Variants in ADAMTS18 observed in about 807,000 individuals in gnomAD.
ADAMTS18 encodes the protein ADAM metallopeptidase with thrombospondin type 1 motif 18, also known as A disintegrin and metalloproteinase with thrombospondin motifs 18.
Under a neutral mutation model 165.9 loss-of-function variants are expected in ADAMTS18, and 157 were observed. That is an observed-to-expected ratio of 0.95 (90% CI 0.83 to 1.08). ADAMTS18 has a LOEUF of 1.08. Among genes scored for constraint, ADAMTS18 ranks in the 50% least tolerant of loss-of-function variants. The probability of loss-of-function intolerance (pLI) is 0.00; values close to 1 mark genes in which losing one functional copy is unlikely to be tolerated. For missense variants in ADAMTS18, 2,040 were observed against 1,534.0 expected (o/e 1.33, Z -5.51); for synonymous variants, 782 against 578.2 (o/e 1.35, Z -5.06).
At chr16:77,414,024 A>C (rs1471171895) in intron 3 of ADAMTS18, among the ~76,000 whole-genome samples, 1 of 152,222 alleles carries the variant, frequency 6.6e-6, no homozygotes, top group Non-Finnish European at 1.5e-5. Flanking sequence ...TGACATAGAA[A>C]TTTCTGCATA....
chr16:77,286,299 CTCACCCCT>C (rs1211886499), intron 22 of ADAMTS18, among the ~76,000 whole-genome samples: 3 of 152,038 alleles, frequency 2.0e-5, no homozygotes, highest in Admixed American at 6.6e-5. Flanking sequence ...TTCCTATTTC[CTCACCCCT>C]TCACCCCTGC....
chr16:77,341,031 G>C (rs1456337371), intron 11 of ADAMTS18, among the ~76,000 whole-genome samples: 1 of 152,090 alleles, frequency 6.6e-6, no homozygotes, highest in Non-Finnish European at 1.5e-5. Flanking sequence ...CCCAAATCTG[G>C]ATCATTTACT....
chr16:77,308,212 T>C (rs1458405200), intron 16 of ADAMTS18, among the ~76,000 whole-genome samples: 2 of 152,298 alleles, frequency 1.3e-5, no homozygotes, highest in East Asian at 3.9e-4. Context: ...TTTAAAACTT[T>C]TTAAAAAAGG....
At chr16:77,397,735 G>A (rs1567539803) in intron 3 of ADAMTS18, among the ~76,000 whole-genome samples, 2 of 152,354 alleles carry the variant, frequency 1.3e-5, no homozygotes, top group Non-Finnish European at 2.9e-5. Flanking sequence ...TGAGTAAGTT[G>A]CCCACATTAA....
In ADAMTS18 at chr16:77,338,111, C is replaced by T. The variant is rs1017593829; in HGVS notation, c.1711-2207G>A. Among the ~76,000 whole-genome samples the T allele has an allele frequency of 3.3e-5, 5 of 152,192 alleles. No individual in the cohort carries two copies. In the East Asian group the frequency reaches 9.7e-4, roughly 29 times the overall value. ...CAGAGACAGGGTTTCACCACGTTGG[C>T]CAGGCTGGTCTTGAACTCCTGACAT... On this transcript the variant is annotated intron_variant, in intron 11 of 22. Coordinates refer to ENST00000282849, the MANE Select transcript of ADAMTS18 (RefSeq NM_199355.4).
chr16:77,322,491 G>A (rs926425204), intron 13 of ADAMTS18, 25 bp from the exon 14 acceptor site: 25 of 1,613,114 alleles, frequency 1.5e-5, no homozygotes, highest in Non-Finnish European at 2.1e-5. Flanking sequence ...ATCAAGATAG[G>A]AAATGGTCAA....
chr16:77,310,237 T>A (rs1203949010), intron 16 of ADAMTS18, among the ~76,000 whole-genome samples: 1 of 152,252 alleles, frequency 6.6e-6, no homozygotes. Flanking sequence ...TGTTGTTCAC[T>A]CCATACATTT....
intron 10 of ADAMTS18, among the ~76,000 whole-genome samples, chr16:77,344,155 G>A (rs865869790): frequency 2.8e-4 from 39 of 140,258 alleles, no homozygotes; most frequent in African/African-American, 7.2e-4. Context: ...ATGTGTGTGT[G>A]TATATATATA....
intron 18 of ADAMTS18, 32 bp downstream of exon 18, chr16:77,297,257 A>G: frequency 6.2e-7 from 1 of 1,613,890 alleles, no homozygotes; most frequent in Non-Finnish European, 8.5e-7. Context: ...CAAGTACAAA[A>G]CTAAACAAAA....
At chr16:77,313,381 C>CAT (rs2055820279) in intron 16 of ADAMTS18, among the ~76,000 whole-genome samples, 2 of 151,452 alleles carry the variant, frequency 1.3e-5, no homozygotes, top group Non-Finnish European at 2.9e-5. Context: ...CAACATGGCA[C>CAT]ATGTATACAT....
At chr16:77,343,308 A>C (rs1466184755) in intron 10 of ADAMTS18, among the ~76,000 whole-genome samples, 4 of 152,154 alleles carry the variant, frequency 2.6e-5, no homozygotes, top group Non-Finnish European at 5.9e-5. Flanking sequence ...TCCCAACCTC[A>C]GGTGATCTGC....
chr16:77,397,089 G>A (rs1004011605), intron 3 of ADAMTS18, among the ~76,000 whole-genome samples: 2 of 152,142 alleles, frequency 1.3e-5, no homozygotes, highest in Admixed American at 6.5e-5. Context: ...AATTTTAGGC[G>A]TGAGCCACCA....
chr16:77,311,265 A>T (rs1303916213), intron 16 of ADAMTS18, among the ~76,000 whole-genome samples: 1 of 152,182 alleles, frequency 6.6e-6, no homozygotes, highest in Non-Finnish European at 1.5e-5. Flanking sequence ...CTTTCTGTGG[A>T]TGGAACAGCA....
intron 3 of ADAMTS18, among the ~76,000 whole-genome samples, chr16:77,388,340 T>C (rs1312816738): frequency 6.6e-6 from 1 of 152,154 alleles, no homozygotes; most frequent in Non-Finnish European, 1.5e-5. Context: ...CCTCAAGTGA[T>C]CCGCCTGCCT....
chr16:77,289,407 G>C lies in ADAMTS18; in HGVS notation c.3407C>G (p.Thr1136Arg). Residue 1136 changes from threonine (T) to arginine (R), a missense_variant, in exon 22 of 23, where the codon ACA becomes AGA. By Grantham distance (71) the Thr-to-Arg change is moderately conservative. Coordinates refer to ENST00000282849, the MANE Select transcript of ADAMTS18 (RefSeq NM_199355.4). Reference protein sequence around the residue: ...GWYSLPWQQCTVTCGGGVQTR... With the variant: ...GWYSLPWQQCRVTCGGGVQTR... ...CTGGACCCCTCCCCCACAGGTGACT[G>C]TGCACTGCAGCAGAGAGAAGAGGAA... 2 of 1,614,006 alleles carry C rather than the reference G, an allele frequency of 1.2e-6. No homozygotes were observed. The highest frequency in any genetic ancestry group is 1.7e-6 in the Non-Finnish European group (2 of 1,179,954).
chr16:77,335,113 C>T (rs2056287190), intron 12 of ADAMTS18, among the ~76,000 whole-genome samples: 1 of 148,214 alleles, frequency 6.7e-6, no homozygotes, highest in African/African-American at 2.5e-5. Context: ...AGTATTAATC[C>T]TACTTAATAC....
chr16:77,325,306 C>T (rs2056073562), intron 13 of ADAMTS18, among the ~76,000 whole-genome samples: 1 of 152,124 alleles, frequency 6.6e-6, no homozygotes, highest in Non-Finnish European at 1.5e-5. Flanking sequence ...TTTTATTATT[C>T]AGTCAAAATA....
At chr16:77,431,206 T>C in intron 3 of ADAMTS18, 89 bp downstream of exon 3, 1 of 1,416,164 alleles carries the variant, frequency 7.1e-7, no homozygotes, top group South Asian at 1.2e-5. Context: ...TGGAGTTGGC[T>C]GGAAGAGCAT....
At chr16:77,348,576 T>G (rs138062505) in intron 10 of ADAMTS18, among the ~76,000 whole-genome samples, 1 of 152,144 alleles carries the variant, frequency 6.6e-6, no homozygotes. Context: ...TGAGGAGGGA[T>G]GAGAGAAGAG....
Sources: gnomAD v4.1 joint callset for allele counts (sites outside exome capture counted in the v4.1 genomes callset) on GRCh38, gnomAD v4.1.1 for gene constraint, MANE v1.5 for transcripts, NCBI Gene and HGNC (gene_info 2026-07-23, HGNC 2026-07-21) for gene names.